The following CCDC85A variants were observed in gnomAD, a reference collection of about 807,000 sequenced individuals.
CCDC85A encodes the protein coiled-coil domain containing 85A.
CCDC85A carries 38 observed loss-of-function variants against 50.2 expected under a neutral mutation model. The observed-to-expected ratio is 0.76, with a 90% CI of 0.58 to 0.99. The LOEUF is 0.99. CCDC85A is among the 50% of genes least tolerant of loss of function. The probability of loss-of-function intolerance (pLI) is 0.00; values close to 1 mark genes in which losing one functional copy is unlikely to be tolerated. For synonymous variants in CCDC85A, 366 were observed against 301.4 expected (o/e 1.21, Z -2.22); for missense variants, 820 against 742.0 (o/e 1.11, Z -1.22).
At chr2:56,215,422 C>T (rs537804240) in intron 2 of CCDC85A, among the ~76,000 whole-genome samples, 4 of 151,764 alleles carry the variant, frequency 2.6e-5, no homozygotes, top group East Asian at 3.9e-4. Context: ...ACTTTAAATA[C>T]GGGATTGAAA....
chr2:56,256,995 G>A (rs1670010689), intron 2 of CCDC85A, among the ~76,000 whole-genome samples: 1 of 151,848 alleles, frequency 6.6e-6, no homozygotes, highest in African/African-American at 2.4e-5. Context: ...TGTTTATAGG[G>A]GGAACATTCA....
chr2:56,355,176 G>A (rs57530094), intron 3 of CCDC85A, among the ~76,000 whole-genome samples: 2,889 of 152,252 alleles, frequency 0.019, 97 homozygotes, highest in African/African-American at 0.064. Context: ...TGGAGCTCCC[G>A]AGTTTTCCAA....
At chr2:56,249,295 G>C (rs903141976) in intron 2 of CCDC85A, among the ~76,000 whole-genome samples, 5 of 152,220 alleles carry the variant, frequency 3.3e-5, no homozygotes, top group Non-Finnish European at 7.3e-5. Flanking sequence ...ACTGCATTTG[G>C]GAAAGAGGAG....
intron 2 of CCDC85A, among the ~76,000 whole-genome samples, chr2:56,194,807 C>T (rs922030425): frequency 2.0e-5 from 3 of 152,196 alleles, no homozygotes; most frequent in Admixed American, 6.5e-5. Flanking sequence ...TGGCTGGTGC[C>T]TTTCCAAGGT....
At chr2:56,342,047 A>ATT (rs1674398598) in intron 2 of CCDC85A, among the ~76,000 whole-genome samples, 1 of 151,986 alleles carries the variant, frequency 6.6e-6, no homozygotes, top group East Asian at 1.9e-4. Flanking sequence ...ATTACAAAAT[A>ATT]GTCTTGTATA....
At chr2:56,186,152 G>C (rs1471582850) in intron 1 of CCDC85A, among the ~76,000 whole-genome samples, 2 of 152,216 alleles carry the variant, frequency 1.3e-5, no homozygotes, top group East Asian at 3.8e-4. Flanking sequence ...AGTCCCTAGA[G>C]TGGGTGCAGG....
At chr2:56,197,202 C>T (rs754881462) in intron 2 of CCDC85A, among the ~76,000 whole-genome samples, 22 of 152,122 alleles carry the variant, frequency 1.4e-4, no homozygotes, top group Admixed American at 5.9e-4. Flanking sequence ...TTCTAGTTCA[C>T]GGTTTCTTTA....
chr2:56,300,437 G>T (rs149903628), intron 2 of CCDC85A, among the ~76,000 whole-genome samples: 4 of 152,182 alleles, frequency 2.6e-5, no homozygotes, highest in Non-Finnish European at 1.5e-5. Context: ...TTGGTGAGTT[G>T]ACAATCCTCT....
intron 2 of CCDC85A, among the ~76,000 whole-genome samples, chr2:56,308,183 A>G (rs995287203): frequency 1.2e-4 from 18 of 152,152 alleles, no homozygotes; most frequent in African/African-American, 4.3e-4. Context: ...CCATTTTCAG[A>G]CATTTTGTCA....
intron 2 of CCDC85A, among the ~76,000 whole-genome samples, chr2:56,313,403 T>C (rs776567269): frequency 1.3e-5 from 2 of 152,166 alleles, no homozygotes; most frequent in African/African-American, 2.4e-5. Context: ...GGTAATTGAA[T>C]CTGAAGTGGG....
intron 3 of CCDC85A, among the ~76,000 whole-genome samples, chr2:56,355,145 AT>A (rs577877967): frequency 8.0e-4 from 122 of 152,280 alleles, no homozygotes; most frequent in African/African-American, 2.7e-3. Context: ...GAGTCTGGCC[AT>A]TCCCCACGGC....
chr2:56,235,582 C>T (rs1034062420), intron 2 of CCDC85A, among the ~76,000 whole-genome samples: 18 of 152,044 alleles, frequency 1.2e-4, no homozygotes, highest in African/African-American at 4.1e-4. Context: ...ATCCGTAAGA[C>T]ATTCCTGCAG....
chr2:56,183,897 G>A, upstream of CCDC85A: 1 of 985,384 alleles, frequency 1.0e-6, no homozygotes, highest in Non-Finnish European at 1.2e-6. Context: ...GCGGTCGAGT[G>A]GCAGCTGCGT....
At chr2:56,353,608 G>A (rs545307932) in intron 3 of CCDC85A, among the ~76,000 whole-genome samples, 1 of 152,186 alleles carries the variant, frequency 6.6e-6, no homozygotes, top group Non-Finnish European at 1.5e-5. Flanking sequence ...TGAATTGGTT[G>A]TATCTAGTTG....
intron 2 of CCDC85A, among the ~76,000 whole-genome samples, chr2:56,298,542 A>C (rs1018547649): frequency 6.6e-6 from 1 of 152,114 alleles, no homozygotes; most frequent in Non-Finnish European, 1.5e-5. Context: ...TTAAGAAAAA[A>C]CTTTCTGTTG....
intron 2 of CCDC85A, among the ~76,000 whole-genome samples, chr2:56,280,612 A>C (rs1285183630): frequency 6.6e-6 from 1 of 152,146 alleles, no homozygotes; most frequent in Non-Finnish European, 1.5e-5. Flanking sequence ...CCCCTCCCCC[A>C]AGCATACCAA....
chr2:56,323,300 TA>T (rs986732534), intron 2 of CCDC85A, among the ~76,000 whole-genome samples: 1 of 151,602 alleles, frequency 6.6e-6, no homozygotes, highest in Non-Finnish European at 1.5e-5. Context: ...AAATAAAAAA[TA>T]AAAAAAGAAC....
chr2:56,335,685 A>G (rs1218846717), intron 2 of CCDC85A, among the ~76,000 whole-genome samples: 1 of 150,376 alleles, frequency 6.6e-6, no homozygotes, highest in Non-Finnish European at 1.5e-5. Flanking sequence ...CACTGCAACC[A>G]CTGCCTCCCA....
intron 2 of CCDC85A, among the ~76,000 whole-genome samples, chr2:56,252,955 G>T (rs1351788344): frequency 6.6e-6 from 1 of 152,048 alleles, no homozygotes; most frequent in Non-Finnish European, 1.5e-5. Flanking sequence ...GGAGGCGGAG[G>T]TTGCAGTAAG....
Sources: allele counts gnomAD v4.1 joint callset (sites outside exome capture counted in the v4.1 genomes callset), GRCh38; gene constraint gnomAD v4.1.1; transcripts MANE v1.5; gene names NCBI Gene and HGNC (gene_info 2026-07-23, HGNC 2026-07-21).